RNF213: variants seen among roughly 807,000 people sequenced by gnomAD.
RNF213 encodes the protein ring finger protein 213.
In RNF213, 341 loss-of-function variants were observed where a neutral mutation model predicts 514.4. The observed-to-expected ratio is 0.66, with a 90% CI of 0.61 to 0.73. RNF213 has a LOEUF of 0.73. Among genes scored for constraint, RNF213 ranks in the 30% least tolerant of loss-of-function variants. The pLI is 0.00. For synonymous variants in RNF213, 2,655 were observed against 2,658.2 expected, an observed-to-expected ratio of 1.00 and a Z score of 0.04; for missense variants, 5,767 against 6,615.6, an observed-to-expected ratio of 0.87 and a Z score of 4.45.
At chr17:80,318,933 A>G (rs1222786226) in intron 16 of RNF213, among the ~76,000 whole-genome samples, 4 of 152,164 alleles carry the variant, frequency 2.6e-5, no homozygotes, top group Non-Finnish European at 4.4e-5. Context: ...AAAATGACCT[A>G]TGTCTCATAA....
rs1303255199 is a variant in RNF213 at position 80,398,348 on chromosome 17, A to C, written c.*4850A>C. The C allele has an allele frequency of 6.6e-6, 1 of 152,172 alleles. No homozygotes were observed. Among genetic ancestry groups the C allele is most frequent in the East Asian group, 1.9e-4 (1 of 5,202 alleles). The allele number at this position is 152,172 out of a possible 1,614,324, so 9.4% of individuals were successfully genotyped here. The stretch of plus-strand genomic sequence containing the variant: ...AAGAAGCATGGGTCAAGCACAAAGT[A>C]AGACCACCCCACTAGGAACTATGCT... On this transcript the variant is annotated 3_prime_UTR_variant, in exon 68 of 68. Coordinates refer to ENST00000582970, the MANE Select transcript of RNF213 (RefSeq NM_001256071.3).
Position 80,354,445 on chromosome 17 carries a change from T to C in RNF213, c.10731T>C (p.Ser3577=), listed in dbSNP as rs752427994. The C allele has an allele frequency of 4.2e-5, 68 of 1,614,128 alleles. 1 individual carries two copies. Among genetic ancestry groups the C allele is most frequent in the Middle Eastern group, 1.6e-4 (1 of 6,084 alleles). The change falls in exon 36 of 68, where the codon TCT becomes TCC. Residue 3577 remains serine, a synonymous_variant. Transcript: ENST00000582970. ...TCTGTTTCTGCCTTTGTACAGCCTC[T>C]TTCTTGCGGGTATCCAAGATGCGCC... ...LLNEDDACHA[S]FLRVSKMRLS...
At chr17:80,373,287 C>A in intron 49 of RNF213, 122 bp downstream of exon 49, 2 of 715,708 alleles carry the variant, frequency 2.8e-6, no homozygotes, top group Non-Finnish European at 4.7e-6. Flanking sequence ...CACACCTTCC[C>A]CACCACATAC....
chr17:80,320,113 C>A, intron 17 of RNF213: 1 of 659,880 alleles, frequency 1.5e-6, no homozygotes, highest in Non-Finnish European at 1.9e-6. Flanking sequence ...CAGTCATCAC[C>A]ACAGTTAATG....
chr17:80,288,467 C>T lies in RNF213; in HGVS notation c.810+104C>T. On this transcript the variant is annotated intron_variant, in intron 4 of 67. Coordinates refer to ENST00000582970, the MANE Select transcript of RNF213 (RefSeq NM_001256071.3). This position sits in a 1 kb window ranked among gnomAD's most constrained non-coding sequence, Gnocchi z 4.9. ...GCTTCCCTGCCGGGGGGAGGGGCGT[C>T]CTCTGGGCCCTGCTCCCTGGGTGGG... The T allele has an allele frequency of 6.3e-7, 1 of 1,592,918 alleles. No individual in the cohort carries two copies. The highest frequency in any genetic ancestry group is 8.6e-7 in the Non-Finnish European group (1 of 1,166,832).
In RNF213 at chr17:80,295,715, A is replaced by G. The variant is rs748925318; in HGVS notation, c.1914A>G (p.Glu638=). 1.9e-6 allele frequency: 3 copies of G among 1,614,204 alleles called. No homozygotes were observed. The East Asian group carries it at 6.7e-5, about 36-fold the overall frequency. Reference sequence around the variant, plus strand: ...TGGAAAAAATTGAGCTTTTATTAGAAGGCAGCCTGGACTGGTTGTGTCACC... The same window carrying G: ...TGGAAAAAATTGAGCTTTTATTAGAGGGCAGCCTGGACTGGTTGTGTCACC... ...FVVEKIELLL[E]GSLDWLCHLL... Residue 638 remains glutamate (E), a synonymous_variant, in exon 10 of 68, where the codon GAA becomes GAG. Transcript: ENST00000582970.
chr17:80,310,175 G>A (rs1055980180), intron 14 of RNF213, among the ~76,000 whole-genome samples: 48 of 152,028 alleles, frequency 3.2e-4, no homozygotes, highest in African/African-American at 1.1e-3. Flanking sequence ...CTTCTTTCCC[G>A]TCTCTGTGCA....
chr17:80,302,699 CA>C (rs1356338162), intron 11 of RNF213, among the ~76,000 whole-genome samples: 1 of 151,908 alleles, frequency 6.6e-6, no homozygotes, highest in Non-Finnish European at 1.5e-5. Flanking sequence ...TACAAAAAAA[CA>C]AACAAAAAAA....
intron 6 of RNF213, 106 bp from the exon 7 acceptor site, chr17:80,290,452 CGAGTGCATGTGT>C: frequency 8.3e-7 from 1 of 1,211,776 alleles, no homozygotes; most frequent in Non-Finnish European, 1.2e-6. Flanking sequence ...TGTGTGTGTG[CGAGTGCATGTGT>C]GTGTGCACGT....
At position 80,281,107 on chromosome 17, in the gene RNF213, CCCACTCACA is replaced by C. The variant is rs1418720015; in HGVS notation, c.262-6697_262-6689del. On this transcript the variant is annotated intron_variant, in intron 3 of 67. Transcript: ENST00000582970. ...CCACACATACCCCACTCACACATAC[CCCACTCACA>C]CCACTCACACACACCCCCACACCCC... 1.1e-3 allele frequency among the ~76,000 whole-genome samples: 159 copies of C among 143,360 alleles called. 2 individuals are homozygous for C. Among genetic ancestry groups the C allele is most frequent in the African/African-American group, 4.0e-3 (155 of 38,304 alleles). 94.0% of individuals were successfully genotyped at this position (143,360 alleles called of 152,430 possible). A position where few individuals can be genotyped will look rare whatever the true frequency, so the allele number is the denominator to read the frequency against.
At position 80,386,783 on chromosome 17, in the gene RNF213, G is replaced by T. The variant is rs1378189846; in HGVS notation, c.14814G>T (p.Gln4938His). ...DLTPLILSNC[Q>H]YQVEEGRETV... is the part of the protein sequence containing the mutation. ...CTCCACTGATTCTCTCCAACTGCCA[G>T]TACCAGGTGGAGGAGGGCAGAGAGA... Residue 4938 changes from glutamine (Q) to histidine (H), a missense_variant, in exon 63 of 68, where the codon CAG becomes CAT. Coordinates refer to ENST00000582970, the MANE Select transcript of RNF213 (RefSeq NM_001256071.3). 1.2e-6 allele frequency: 2 copies of T among 1,614,120 alleles called. No homozygotes were observed. Among genetic ancestry groups the T allele is most frequent in the African/African-American group, 1.3e-5 (1 of 75,060 alleles).
chr17:80,305,163 G>A (rs1016481230), intron 11 of RNF213, among the ~76,000 whole-genome samples: 2 of 148,036 alleles, frequency 1.4e-5, no homozygotes, highest in Admixed American at 6.8e-5. Flanking sequence ...ACAGACATGA[G>A]CCACTGCACC....
At chr17:80,367,140 G>T (rs888318338) in intron 42 of RNF213, among the ~76,000 whole-genome samples, 1 of 152,156 alleles carries the variant, frequency 6.6e-6, no homozygotes, top group South Asian at 2.1e-4. Flanking sequence ...AGAATGAGTT[G>T]CAGAAGCCTT....
rs2144536485 is a variant in RNF213 at position 80,374,578 on chromosome 17, A to C, written c.13063A>C (p.Thr4355Pro). 1 of 1,614,166 alleles carries C rather than the reference A, an allele frequency of 6.2e-7. No homozygotes were observed. The highest frequency in any genetic ancestry group is 2.2e-5 in the East Asian group (1 of 44,890). ...VLECKPLGIK[T>P]ALKACKTPQS... ...CGAGTGCAAGCCACTGGGCATTAAG[A>C]CTGCTCTGAAGGTAGGATGGGCCCG... The change falls in exon 50 of 68, where the codon ACT (threonine) becomes CCT (proline). Residue 4355 changes from threonine to proline, a missense_variant. Around this residue, in one of 13 missense-constraint regions of RNF213, gnomAD observed 1,245 missense variants for 1,339.0 expected, o/e 0.93. Transcript: ENST00000582970.
chr17:80,309,195 T>G (rs1208014082), intron 14 of RNF213, 24 bp downstream of exon 14: 5 of 1,614,032 alleles, frequency 3.1e-6, no homozygotes, highest in Non-Finnish European at 3.4e-6. Flanking sequence ...ACACACAAGG[T>G]ATCACACCCG....
Position 80,317,214 on chromosome 17 carries a change from A to T in RNF213, c.2838A>T (p.Gln946His), listed in dbSNP as rs72849865. The T allele has an allele frequency of 1.2e-6, 2 of 1,612,560 alleles. No individual in the cohort carries two copies. Among genetic ancestry groups the T allele is most frequent in the East Asian group, 2.2e-5 (1 of 44,890 alleles). ...IEVWRRLVEI[Q>H]FPAEHGWKES... The stretch of plus-strand genomic sequence containing the variant: ...TCTGGAGGCGGCTGGTGGAAATCCA[A>T]TTCCCCGCGGAGCATGGCTGGAAGG... The change falls in exon 16 of 68, where the codon CAA becomes CAT. Residue 946 changes from glutamine (Q) to histidine (H), a missense_variant. Around this residue, in one of 13 missense-constraint regions of RNF213, gnomAD observed 592 missense variants for 673.9 expected, o/e 0.88. Transcript: ENST00000582970. The surrounding 1 kb of genome is among the most constrained non-coding windows in gnomAD (Gnocchi z 4.1).
At chr17:80,350,260 A>C (rs757502522) in intron 30 of RNF213, 41 bp from the exon 31 acceptor site, 10 of 1,244,472 alleles carry the variant, frequency 8.0e-6, no homozygotes, top group Non-Finnish European at 8.3e-6. Context: ...CCATTTTTTT[A>C]AGACAGAGAA....
intron 37 of RNF213, among the ~76,000 whole-genome samples, chr17:80,358,850 A>G (rs1286902051): frequency 6.6e-6 from 1 of 152,112 alleles, no homozygotes; most frequent in African/African-American, 2.4e-5. Context: ...CGGAGGTTGC[A>G]GTGAGCCGAG....
intron 60 of RNF213, 100 bp downstream of exon 60, chr17:80,385,271 T>C (rs1342742391): frequency 7.1e-7 from 1 of 1,408,738 alleles, no homozygotes; most frequent in African/African-American, 1.4e-5. Flanking sequence ...GAGGAGGCGC[T>C]GATGGGTGCT....
Sources: allele counts gnomAD v4.1 joint callset (sites outside exome capture counted in the v4.1 genomes callset), GRCh38; gene constraint gnomAD v4.1.1; regional missense constraint gnomAD v4.1.1; non-coding constraint Gnocchi (gnomAD v3.1); transcripts MANE v1.5; gene names NCBI Gene and HGNC (gene_info 2026-07-23, HGNC 2026-07-21).